INSL6: variants seen among roughly 807,000 people sequenced by gnomAD.
The protein encoded by INSL6 is insulin like 6.
In INSL6, 16 loss-of-function variants were observed where a neutral mutation model predicts 9.4. The ratio of observed to expected loss-of-function variants is 1.70; its 90% CI spans 1.15 to 2.59. The LOEUF is 2.59. Among genes scored for constraint, INSL6 ranks in the 30% most tolerant of loss-of-function variants. The pLI, the probability that INSL6 is intolerant of heterozygous loss-of-function variation, is 0.00. For missense variants in INSL6, 391 were observed against 257.3 expected, an observed-to-expected ratio of 1.52 and a Z score of -3.56; for synonymous variants, 154 against 96.9, an observed-to-expected ratio of 1.59 and a Z score of -3.46.
At chr9:5,069,716 A>G in the INSL6 span, among the ~76,000 whole-genome samples, 30 of 152,266 alleles carry the variant, frequency 2.0e-4, no homozygotes, top group Admixed American at 1.8e-3. Context: ...TAAGGAAGTG[A>G]TTATAATTTT....
chr9:5,123,066 G>C (rs764878388), downstream of INSL6: 3 of 1,612,058 alleles, frequency 1.9e-6, no homozygotes, highest in Non-Finnish European at 2.5e-6. Context: ...TGGAGCTTTG[G>C]AGTGGTTCTG....
chr9:5,022,275 A>G, the INSL6 span: 12 of 1,087,394 alleles, frequency 1.1e-5, no homozygotes, highest in Non-Finnish European at 5.6e-6. Context: ...ATGCTATGCT[A>G]ATACTAGGTA....
At chr9:5,086,234 A>G in the INSL6 span, 2 of 599,392 alleles carry the variant, frequency 3.3e-6, no homozygotes, top group Non-Finnish European at 2.1e-6. Context: ...CGGAGTCTGA[A>G]AGTCGCGGTA....
rs200884404 is a variant in INSL6, at chr9:5,185,636, C to G, written c.-34G>C. 890 of 1,582,454 alleles carry G rather than the reference C, an allele frequency of 5.6e-4. 4 individuals carry two copies. In the African/African-American group the frequency reaches 9.0e-3, roughly 16 times the overall value. ...CCCCAGGCTAGTCCTCCGCGTTGTG[C>G]AATGGCGGTCGGCCGGACCCTGCTC... On this transcript the variant is annotated 5_prime_UTR_variant, in exon 1 of 2. Coordinates refer to ENST00000381641, the MANE Select transcript of INSL6 (RefSeq NM_007179.3).
chr9:5,023,192 A>G, the INSL6 span, among the ~76,000 whole-genome samples: 588 of 152,286 alleles, frequency 3.9e-3, 1 homozygote, highest in Non-Finnish European at 7.1e-3. Flanking sequence ...AGTCTCTGCT[A>G]CCAATCCACT....
the INSL6 span, among the ~76,000 whole-genome samples, chr9:5,049,847 T>C: frequency 2.0e-5 from 3 of 152,252 alleles, no homozygotes; most frequent in Non-Finnish European, 2.9e-5. Flanking sequence ...TACAAACTTA[T>C]ATAGCATGTT....
At chr9:5,033,939 G>C in the INSL6 span, among the ~76,000 whole-genome samples, 7 of 152,164 alleles carry the variant, frequency 4.6e-5, no homozygotes, top group Non-Finnish European at 7.3e-5. Context: ...AAAAGACACA[G>C]ACTGGTAAAC....
chr9:5,105,128 T>A, the INSL6 span, among the ~76,000 whole-genome samples: 2 of 152,226 alleles, frequency 1.3e-5, no homozygotes, highest in Admixed American at 6.5e-5. Flanking sequence ...TGTCCCTGTT[T>A]GCAGATGACA....
intron 2 of INSL6, among the ~76,000 whole-genome samples, chr9:5,135,413 A>G (rs1027793756): frequency 5.3e-5 from 8 of 152,186 alleles, no homozygotes; most frequent in African/African-American, 4.8e-5. Context: ...AACAGAAATC[A>G]TAACAGTCTC....
chr9:5,071,864 G>C, the INSL6 span, among the ~76,000 whole-genome samples: 2 of 152,138 alleles, frequency 1.3e-5, no homozygotes, highest in Non-Finnish European at 2.9e-5. Flanking sequence ...CAGAGTGCAG[G>C]CTTTCAACAA....
the INSL6 span, chr9:5,073,682 T>A: frequency 5.6e-6 from 8 of 1,427,040 alleles, no homozygotes; most frequent in Non-Finnish European, 7.7e-6. Flanking sequence ...TTCTTTGTAC[T>A]TTTTTTTTTC....
chr9:5,134,475 C>T (rs1824351372), intron 2 of INSL6, among the ~76,000 whole-genome samples: 1 of 152,196 alleles, frequency 6.6e-6, no homozygotes, highest in Non-Finnish European at 1.5e-5. Context: ...GGAAGCCCAT[C>T]AGACTAACAG....
At chr9:5,175,380 C>A (rs1234619316) in intron 1 of INSL6, among the ~76,000 whole-genome samples, 2 of 152,202 alleles carry the variant, frequency 1.3e-5, no homozygotes, top group Non-Finnish European at 2.9e-5. Context: ...TGTTTCTACT[C>A]TTGCCTTTCT....
At chr9:5,164,643 C>T (rs1425763443) in intron 1 of INSL6, among the ~76,000 whole-genome samples, 1 of 152,176 alleles carries the variant, frequency 6.6e-6, no homozygotes, top group African/African-American at 2.4e-5. Flanking sequence ...TTTCCATTTC[C>T]CTCTCCCACT....
the INSL6 span, among the ~76,000 whole-genome samples, chr9:5,075,191 T>C: frequency 2.0e-5 from 3 of 151,816 alleles, no homozygotes; most frequent in African/African-American, 7.3e-5. Flanking sequence ...GTGCACAGCA[T>C]AAGTGCAAGG....
the INSL6 span, chr9:5,085,881 G>T: frequency 2.5e-6 from 2 of 798,128 alleles, no homozygotes; most frequent in South Asian, 1.3e-5. Context: ...TTCTGTTGTT[G>T]ATATGAGCGG....
In INSL6 at chr9:5,163,993, GTTC is replaced by G. The variant is rs747125138; in HGVS notation, c.559_561del (p.Glu187del). ...ATATATGGAAGACATGCAATGCTAA[GTTC>G]TTCTTTTGTACATCCTGTAAGACAA... On this transcript the variant is annotated inframe_deletion, in exon 2 of 2. Transcript: ENST00000381641. 13 of 1,612,742 alleles carry G rather than the reference GTTC, an allele frequency of 8.1e-6. No individual in the cohort carries two copies. Among genetic ancestry groups the G allele is most frequent in the Admixed American group, 1.7e-5 (1 of 59,986 alleles).
chr9:5,031,634 T>C, the INSL6 span, among the ~76,000 whole-genome samples: 15 of 152,342 alleles, frequency 9.8e-5, no homozygotes, highest in Admixed American at 7.2e-4. Flanking sequence ...AAAGTCTGAA[T>C]TGGAACTGAA....
At chr9:5,126,133 G>C (rs1309190378) in intron 3 of INSL6, 2 of 472,180 alleles carry the variant, frequency 4.2e-6, no homozygotes, top group South Asian at 3.5e-5. Context: ...GTTTATTACA[G>C]CTATGGAAAT....
Sources: gnomAD v4.1 joint callset for allele counts (sites outside exome capture counted in the v4.1 genomes callset) on GRCh38, gnomAD v4.1.1 for gene constraint, MANE v1.5 for transcripts, NCBI Gene and HGNC (gene_info 2026-07-23, HGNC 2026-07-21) for gene names.